BNC2: variants seen among roughly 807,000 people sequenced by gnomAD.
BNC2 encodes basonuclin zinc finger protein 2, also known as zinc finger protein basonuclin-2.
In BNC2, 20 loss-of-function variants were observed where a neutral mutation model predicts 76.3. The observed-to-expected ratio is 0.26, with a 90% CI of 0.18 to 0.38. The LOEUF (loss-of-function observed/expected upper bound fraction) is 0.38. BNC2 is among the 10% of genes least tolerant of loss of function. The probability of loss-of-function intolerance (pLI) is 1.00; values close to 1 mark genes in which losing one functional copy is unlikely to be tolerated. For missense variants in BNC2, 1,382 were observed against 1,399.8 expected (o/e 0.99, Z 0.20); for synonymous variants, 582 against 514.8 (o/e 1.13, Z -1.77).
In BNC2 at chr9:16,416,943, A is replaced by T. The variant is rs879059385; in HGVS notation, c.*2046T>A. The T allele has an allele frequency of 1.3e-5, 2 of 152,628 alleles. No homozygotes were observed. Among genetic ancestry groups the T allele is most frequent in the African/African-American group, 2.4e-5 (1 of 41,452 alleles). The allele number at this position is 152,628 out of a possible 1,614,324, so 9.5% of individuals were successfully genotyped here. On this transcript the variant is annotated 3_prime_UTR_variant, in exon 7 of 7. Transcript: ENST00000380672. Reference sequence around the variant, plus strand: ...AACGGAAGTGAATGCTGATGTGAACATAGAAAAAATAATTACAAAAACATG... The same window carrying T: ...AACGGAAGTGAATGCTGATGTGAACTTAGAAAAAATAATTACAAAAACATG...
intron 5 of BNC2, among the ~76,000 whole-genome samples, chr9:16,510,632 A>T (rs1036984284): frequency 6.6e-6 from 1 of 152,206 alleles, no homozygotes; most frequent in Non-Finnish European, 1.5e-5. Context: ...TCAACAGATA[A>T]GCCTTTACAG....
intron 4 of BNC2, among the ~76,000 whole-genome samples, chr9:16,558,362 T>C: frequency 6.6e-6 from 1 of 152,216 alleles, no homozygotes; most frequent in Non-Finnish European, 1.5e-5. Context: ...ATGCAAATCA[T>C]ATGAAGAAGA....
intron 3 of BNC2, among the ~76,000 whole-genome samples, chr9:16,693,127 CAA>C (rs34223075): frequency 1.7e-5 from 1 of 60,470 alleles, no homozygotes; most frequent in African/African-American, 7.6e-5. Context: ...AAGACAGTCT[CAA>C]AAAAAAAAAA....
chr9:16,457,627 G>C (rs1355003706), intron 5 of BNC2, among the ~76,000 whole-genome samples: 2 of 152,162 alleles, frequency 1.3e-5, no homozygotes, highest in Non-Finnish European at 2.9e-5. Context: ...GTTTTTGTGG[G>C]AGTGGTCACG....
chr9:16,832,826 A>T (rs978507635), intron 1 of BNC2, among the ~76,000 whole-genome samples: 15 of 152,002 alleles, frequency 9.9e-5, no homozygotes, highest in African/African-American at 3.6e-4. Flanking sequence ...ACTGGGTTCA[A>T]GCGATTCTCC....
At chr9:16,553,598 G>T (rs896992214) in intron 4 of BNC2, among the ~76,000 whole-genome samples, 1 of 152,214 alleles carries the variant, frequency 6.6e-6, no homozygotes. Context: ...GTGTATTTCA[G>T]CTAACTGTAT....
At chr9:16,826,390 T>C (rs1464496224) in intron 1 of BNC2, among the ~76,000 whole-genome samples, 1 of 152,026 alleles carries the variant, frequency 6.6e-6, no homozygotes, top group Non-Finnish European at 1.5e-5. Flanking sequence ...AAAAAAGTCA[T>C]CCTTAACACA....
rs1233001759 is a variant in BNC2, at chr9:16,435,707, G to A, written c.2487C>T (p.Ser829=). 1.2e-6 allele frequency: 2 copies of A among 1,613,984 alleles called. No individual in the cohort carries two copies. The highest frequency in any genetic ancestry group is 1.7e-6 in the Non-Finnish European group (2 of 1,180,028). The stretch of plus-strand genomic sequence containing the variant: ...ACACATAACAGATTTTGGGGTCTGG[G>A]CTAGAACATAGGTCACCTTCTGGGG... ...KFSPEGDLCS[S]PDPKICYVCK... The change falls in exon 6 of 7, where the codon AGC becomes AGT. Residue 829 remains serine (S), a synonymous_variant. Coordinates refer to ENST00000380672, the MANE Select transcript of BNC2 (RefSeq NM_017637.6).
At chr9:16,746,189 G>T (rs571268961) in intron 1 of BNC2, among the ~76,000 whole-genome samples, 33 of 152,270 alleles carry the variant, frequency 2.2e-4, no homozygotes, top group African/African-American at 6.3e-4. Flanking sequence ...CCAGGAGGTT[G>T]ATAATCTAGT....
At chr9:16,656,912 A>T (rs767608492) in intron 3 of BNC2, among the ~76,000 whole-genome samples, 2 of 152,196 alleles carry the variant, frequency 1.3e-5, no homozygotes, top group Non-Finnish European at 2.9e-5. Flanking sequence ...TTGCCATTTA[A>T]AATTGGGGAA....
intron 3 of BNC2, among the ~76,000 whole-genome samples, chr9:16,648,782 A>G (rs886283561): frequency 1.3e-5 from 2 of 152,180 alleles, no homozygotes; most frequent in Non-Finnish European, 2.9e-5. Flanking sequence ...CTTGCAAATG[A>G]CATAATTAAC....
chr9:16,460,761 A>T (rs1821561924), intron 5 of BNC2, among the ~76,000 whole-genome samples: 1 of 152,118 alleles, frequency 6.6e-6, no homozygotes, highest in African/African-American at 2.4e-5. Flanking sequence ...CCAGGTGTAA[A>T]ACAAGATGAG....
At chr9:16,627,886 G>C (rs1821044145) in intron 3 of BNC2, among the ~76,000 whole-genome samples, 1 of 152,166 alleles carries the variant, frequency 6.6e-6, no homozygotes, top group Admixed American at 6.6e-5. Context: ...GCTCAGTGTT[G>C]ATAATTTTTA....
chr9:16,630,018 T>C (rs951779916), intron 3 of BNC2, among the ~76,000 whole-genome samples: 1 of 152,236 alleles, frequency 6.6e-6, no homozygotes, highest in Admixed American at 6.5e-5. Context: ...CACTAGGACT[T>C]CTTTCAAAAT....
chr9:16,541,009 C>G (rs2132372934), intron 5 of BNC2, among the ~76,000 whole-genome samples: 1 of 152,282 alleles, frequency 6.6e-6, no homozygotes, highest in East Asian at 1.9e-4. Flanking sequence ...TCCCCTACTC[C>G]CAGAAGACAG....
intron 5 of BNC2, among the ~76,000 whole-genome samples, chr9:16,531,701 C>T (rs1306463467): frequency 6.6e-6 from 1 of 152,082 alleles, no homozygotes; most frequent in Non-Finnish European, 1.5e-5. Context: ...AATTAATACT[C>T]AAAGGGTTAT....
At chr9:16,836,016 G>C (rs1818697832) in intron 1 of BNC2, among the ~76,000 whole-genome samples, 1 of 152,146 alleles carries the variant, frequency 6.6e-6, no homozygotes, top group Non-Finnish European at 1.5e-5. Flanking sequence ...GCAGGCTGCA[G>C]TACATAATTA....
At chr9:16,789,225 G>C (rs1817433638) in intron 1 of BNC2, among the ~76,000 whole-genome samples, 1 of 151,952 alleles carries the variant, frequency 6.6e-6, no homozygotes, top group South Asian at 2.1e-4. Flanking sequence ...CTGGGGGTGG[G>C]AGGAGTTAGT....
At chr9:16,680,660 CTG>C (rs1258164536) in intron 3 of BNC2, among the ~76,000 whole-genome samples, 1 of 151,562 alleles carries the variant, frequency 6.6e-6, no homozygotes, top group Admixed American at 6.6e-5. Context: ...GACAGGCCAC[CTG>C]TGTCAGCCCA....
Sources: gnomAD v4.1 joint callset for allele counts (sites outside exome capture counted in the v4.1 genomes callset) on GRCh38, gnomAD v4.1.1 for gene constraint, MANE v1.5 for transcripts, NCBI Gene and HGNC (gene_info 2026-07-23, HGNC 2026-07-21) for gene names.